The following CD99L2 variants were observed in gnomAD, a reference collection of about 807,000 sequenced individuals.
CD99L2 encodes CD99 antigen-like protein 2.
Under a neutral mutation model 27.3 loss-of-function variants are expected in CD99L2, and 24 were observed. The ratio of observed to expected loss-of-function variants is 0.88; its 90% confidence interval spans 0.64 to 1.24. The LOEUF (loss-of-function observed/expected upper bound fraction) is 1.24, where lower values mean the gene tolerates loss of function less well. Among genes scored for constraint, CD99L2 ranks in the 50% most tolerant of loss-of-function variants. CD99L2 has a pLI of 0.00. For synonymous variants in CD99L2, 97 were observed against 87.9 expected (o/e 1.10, Z -0.58); for missense variants, 255 against 221.6 (o/e 1.15, Z -0.96).
Position 150,816,073 on chromosome X carries a change from A to C in CD99L2, c.136T>G (p.Trp46Gly). The C allele has an allele frequency of 8.3e-7, 1 of 1,211,055 alleles. No individual in the cohort carries two copies. Among genetic ancestry groups the C allele is most frequent in the Non-Finnish European group, 1.1e-6 (1 of 895,113 alleles). ...GTTGTGGTGGTGGTGGTGTGGTCCC[A>C]TGGCTCTAAAAGGGAGAGGGAGGAC... ...VKETSSVKQP[W>G]DHTTTTTTNR... is the part of the protein sequence containing the mutation. The change falls in exon 3 of 11, where the codon TGG becomes GGG. Residue 46 changes from tryptophan (W) to glycine (G), a missense_variant. Coordinates refer to ENST00000370377, the MANE Select transcript of CD99L2 (RefSeq NM_031462.4).
rs187999947 is a variant in CD99L2 at position 150,781,150 on chromosome X, T to C, written c.497-3668A>G. ...TGGTGAAATAAATTATGGTATATCA[T>C]AATATAATGTAACCACTGACACGGT... On this transcript the variant is annotated intron_variant, in intron 7 of 10. Transcript: ENST00000370377. Among the ~76,000 whole-genome samples, 40 of 112,137 alleles carry C rather than the reference T, an allele frequency of 3.6e-4. No homozygotes were observed. In the East Asian group the frequency reaches 4.4e-3, roughly 12 times the overall value.
chrX:150,769,668 TCTCC>T (rs2043385809), intron 10 of CD99L2, among the ~76,000 whole-genome samples: 1 of 106,763 alleles, frequency 9.4e-6, no homozygotes, highest in Admixed American at 1.0e-4. Flanking sequence ...GCTGTCCTAG[TCTCC>T]CTGCCTGCGC....
intron 1 of CD99L2, among the ~76,000 whole-genome samples, 179 bp from the exon 2 acceptor site, chrX:150,831,472 G>C (rs782304251): frequency 8.9e-6 from 1 of 111,900 alleles, no homozygotes; most frequent in East Asian, 2.8e-4. Flanking sequence ...ATAGAGGCCA[G>C]TATTGTTAGC....
intron 7 of CD99L2, among the ~76,000 whole-genome samples, chrX:150,783,970 C>T (rs138386706): frequency 1.9e-4 from 21 of 111,743 alleles, no homozygotes; most frequent in African/African-American, 4.5e-4. Flanking sequence ...AGAGCTGTCA[C>T]GAAAACTCTA....
intron 1 of CD99L2, among the ~76,000 whole-genome samples, chrX:150,840,823 C>A (rs1471694017): frequency 2.7e-5 from 3 of 109,386 alleles, no homozygotes. Flanking sequence ...CTGATGGTTG[C>A]ATTGTAGATA....
At chrX:150,823,554 G>T (rs1299122278) in intron 2 of CD99L2, among the ~76,000 whole-genome samples, 1 of 111,744 alleles carries the variant, frequency 8.9e-6, no homozygotes, top group African/African-American at 3.3e-5. Flanking sequence ...CCCAAGTGCT[G>T]GAATTACAGG....
At chrX:150,778,919 G>C (rs1402125695) in intron 7 of CD99L2, among the ~76,000 whole-genome samples, 1 of 110,569 alleles carries the variant, frequency 9.0e-6, no homozygotes, top group East Asian at 2.8e-4. Flanking sequence ...CAGGAAGATG[G>C]GGGTCACTGT....
intron 7 of CD99L2, among the ~76,000 whole-genome samples, chrX:150,789,124 CTTT>C (rs35495241): frequency 1.8e-4 from 10 of 55,795 alleles, no homozygotes; most frequent in Admixed American, 4.5e-4. Flanking sequence ...TTCTTTTTTT[CTTT>C]TTTTTTTTTT....
At position 150,848,557 on chromosome X, in the gene CD99L2, A is replaced by T. The variant is rs1307758412; in HGVS notation, c.68-17264T>A. On this transcript the variant is annotated intron_variant, in intron 1 of 10. Transcript: ENST00000370377. ...TATGTGGGTTCTTTTTCCACAATTTAAAAAAAAAAAAAAAAACAGCAAGTG... is the reference window on the plus strand; with the variant it reads ...TATGTGGGTTCTTTTTCCACAATTTTAAAAAAAAAAAAAAAACAGCAAGTG... Among the ~76,000 whole-genome samples the T allele has an allele frequency of 5.2e-4, 5 of 9,575 alleles. No individual in the cohort carries two copies. In the Admixed American group the frequency reaches 6.1e-3, roughly 12 times the overall value. The allele number at this position is 9,575 out of a possible 115,157, so 8.3% of individuals were successfully genotyped here.
intron 2 of CD99L2, among the ~76,000 whole-genome samples, chrX:150,819,841 T>C (rs1206207605): frequency 8.9e-6 from 1 of 111,978 alleles, no homozygotes; most frequent in Non-Finnish European, 1.9e-5. Context: ...TAGCAAGAGA[T>C]TGAGTCAGTA....
chrX:150,833,762 T>C (rs1246873714), intron 1 of CD99L2, among the ~76,000 whole-genome samples: 4 of 111,446 alleles, frequency 3.6e-5, no homozygotes, highest in Non-Finnish European at 3.8e-5. Flanking sequence ...TCTCATACCA[T>C]ATACAAAAAT....
At chrX:150,866,415 G>C (rs2047061879) in intron 1 of CD99L2, among the ~76,000 whole-genome samples, 1 of 111,786 alleles carries the variant, frequency 8.9e-6, no homozygotes. Flanking sequence ...TCAATAATAA[G>C]AGAGGGATAA....
At chrX:150,895,526 C>T (rs782682733) in intron 1 of CD99L2, among the ~76,000 whole-genome samples, 2 of 110,834 alleles carry the variant, frequency 1.8e-5, no homozygotes, top group Admixed American at 1.9e-4. Flanking sequence ...CAGCCACATC[C>T]CACTACTGAG....
intron 4 of CD99L2, among the ~76,000 whole-genome samples, chrX:150,796,472 A>C (rs2045799050): frequency 8.9e-6 from 1 of 112,681 alleles, no homozygotes; most frequent in Non-Finnish European, 1.9e-5. Context: ...ATGTGTGTGC[A>C]CCTAACAATA....
rs782530615 is a variant in CD99L2 at position 150,832,658 on chromosome X, A to G, written c.68-1365T>C. ...AGAATAAGTTATATCCAGAGCAGTT[A>G]GGCAAGAACAAGAAATAAAAGGCCT... On this transcript the variant is annotated intron_variant, in intron 1 of 10. Coordinates refer to ENST00000370377, the MANE Select transcript of CD99L2 (RefSeq NM_031462.4). Among the ~76,000 whole-genome samples the G allele has an allele frequency of 1.2e-4, 14 of 112,385 alleles. No individual in the cohort carries two copies. In the South Asian group the frequency reaches 1.5e-3, roughly 12 times the overall value.
At chrX:150,805,808 T>A in intron 4 of CD99L2, among the ~76,000 whole-genome samples, 1 of 111,877 alleles carries the variant, frequency 8.9e-6, no homozygotes, top group Non-Finnish European at 1.9e-5. Context: ...GTATATACTC[T>A]GTGATTCCAT....
intron 1 of CD99L2, among the ~76,000 whole-genome samples, chrX:150,884,928 G>T (rs2047384593): frequency 2.7e-5 from 3 of 112,280 alleles, no homozygotes; most frequent in Admixed American, 9.4e-5. Flanking sequence ...TCAAACAGTG[G>T]AATAACATAT....
In CD99L2 at chrX:150,776,112, C is replaced by T; in HGVS notation, c.655+62G>A. 3.4e-6 allele frequency: 4 copies of T among 1,182,538 alleles called. No homozygotes were observed. The South Asian group carries it at 7.6e-5, about 23-fold the overall frequency. Reference sequence around the variant, plus strand: ...GTGGAGGGATCTGGATCTGTCCTGGCCCCTTTCCCTCCAAAGACCTTGCCA... The same window carrying T: ...GTGGAGGGATCTGGATCTGTCCTGGTCCCTTTCCCTCCAAAGACCTTGCCA... On this transcript the variant is annotated intron_variant, in intron 9 of 10. Coordinates refer to ENST00000370377, the MANE Select transcript of CD99L2 (RefSeq NM_031462.4).
At chrX:150,807,758 C>A (rs1409820270) in intron 4 of CD99L2, among the ~76,000 whole-genome samples, 1 of 112,463 alleles carries the variant, frequency 8.9e-6, no homozygotes, top group African/African-American at 3.2e-5. Context: ...TGTGTGTGCT[C>A]ACATCCACTT....
Sources: allele counts gnomAD v4.1 joint callset (sites outside exome capture counted in the v4.1 genomes callset), GRCh38; gene constraint gnomAD v4.1.1; transcripts MANE v1.5; gene names NCBI Gene and HGNC (gene_info 2026-07-23, HGNC 2026-07-21).